PARD3B: variants seen among roughly 807,000 people sequenced by gnomAD.
PARD3B encodes the protein par-3 family cell polarity regulator beta.
PARD3B carries 103 observed loss-of-function variants against 130.2 expected under a neutral mutation model. That is an observed-to-expected ratio of 0.79 (90% confidence interval 0.67 to 0.93). The LOEUF is 0.93. PARD3B is among the 40% of genes least tolerant of loss of function. The pLI is 0.00. For missense variants in PARD3B, 1,609 were observed against 1,499.2 expected, an observed-to-expected ratio of 1.07 and a Z score of -1.21; for synonymous variants, 583 against 553.2, an observed-to-expected ratio of 1.05 and a Z score of -0.76.
chr2:205,107,510 T>C (rs1449774590), intron 5 of PARD3B, among the ~76,000 whole-genome samples: 1 of 152,250 alleles, frequency 6.6e-6, no homozygotes, highest in Non-Finnish European at 1.5e-5. Flanking sequence ...TTAATTGCTA[T>C]TGCCATTATC....
At chr2:205,054,436 A>ATATATATATATATATTTATATATATAT (rs1411271901) in intron 4 of PARD3B, among the ~76,000 whole-genome samples, 1 of 28,438 alleles carries the variant, frequency 3.5e-5, no homozygotes, top group African/African-American at 1.5e-4. Context: ...ATATATATAT[A>ATATATATATATATATTTATATATATAT]TTTTTTTTTT....
At chr2:204,866,282 A>G (rs1197141809) in intron 2 of PARD3B, among the ~76,000 whole-genome samples, 1 of 152,156 alleles carries the variant, frequency 6.6e-6, no homozygotes, top group East Asian at 1.9e-4. Context: ...TAACTCTGGG[A>G]CTTTTTGTTC....
chr2:204,908,033 A>G (rs1239528417), intron 2 of PARD3B, among the ~76,000 whole-genome samples: 1 of 152,092 alleles, frequency 6.6e-6, no homozygotes, highest in East Asian at 1.9e-4. Context: ...CCTTCTAACT[A>G]TTTTTAACAC....
rs1305220015 is a variant in PARD3B, at chr2:205,258,934, T to A, written c.2185+13112T>A. On this transcript the variant is annotated intron_variant, in intron 16 of 22. Coordinates refer to ENST00000406610, the MANE Select transcript of PARD3B (RefSeq NM_001302769.2). This position sits in a 1 kb window ranked among gnomAD's most constrained non-coding sequence, Gnocchi z 4.9. ...TAGGCTGAATTGCTTTTTAATCCCA[T>A]TTTTTTCTGATAGTGATTTGAAAAT... is the stretch of plus-strand genomic sequence containing the variant. 6.6e-6 allele frequency among the ~76,000 whole-genome samples: 1 copy of A among 152,138 alleles called. No homozygotes were observed. Among genetic ancestry groups the A allele is most frequent in the Non-Finnish European group, 1.5e-5 (1 of 68,016 alleles).
chr2:205,209,479 C>A (rs369515304), intron 15 of PARD3B, among the ~76,000 whole-genome samples: 1 of 151,964 alleles, frequency 6.6e-6, no homozygotes, highest in East Asian at 1.9e-4. Context: ...GAACAAAATA[C>A]TTAAGTTCTC....
chr2:205,501,544 C>T (rs1373026120), intron 21 of PARD3B, among the ~76,000 whole-genome samples: 1 of 152,154 alleles, frequency 6.6e-6, no homozygotes, highest in African/African-American at 2.4e-5. Context: ...GCTCAGCTCC[C>T]TCGATAAGCC....
At chr2:205,027,773 A>G (rs550156543) in intron 3 of PARD3B, among the ~76,000 whole-genome samples, 1 of 152,204 alleles carries the variant, frequency 6.6e-6, no homozygotes, top group South Asian at 2.1e-4. Context: ...ATTTCATTAT[A>G]TTGCATGTGT....
In PARD3B at chr2:205,366,809, C is replaced by T. The variant is rs1030956365; in HGVS notation, c.2631-34204C>T. 6.6e-6 allele frequency among the ~76,000 whole-genome samples: 1 copy of T among 152,194 alleles called. No individual in the cohort carries two copies. On this transcript the variant is annotated intron_variant, in intron 18 of 22. Coordinates refer to ENST00000406610, the MANE Select transcript of PARD3B (RefSeq NM_001302769.2). This position sits in a 1 kb window ranked among gnomAD's most constrained non-coding sequence, Gnocchi z 5.0. Reference sequence around the variant, plus strand: ...GGGGCATTTTAGGTGGCCTCCAGGCCATGTGCCTTCCCACTAATAACTGGT... The same window carrying T: ...GGGGCATTTTAGGTGGCCTCCAGGCTATGTGCCTTCCCACTAATAACTGGT...
intron 15 of PARD3B, among the ~76,000 whole-genome samples, chr2:205,194,918 G>C (rs995819629): frequency 1.3e-5 from 2 of 149,712 alleles, no homozygotes; most frequent in African/African-American, 4.9e-5. Context: ...CAAGTAGCTT[G>C]GATTACAGGT....
chr2:205,448,511 C>T (rs569529745), intron 20 of PARD3B, among the ~76,000 whole-genome samples: 103 of 152,128 alleles, frequency 6.8e-4, no homozygotes, highest in African/African-American at 2.4e-3. Flanking sequence ...TCTCTTTATC[C>T]AAGTTGAATA....
rs1299097475 is a variant in PARD3B at position 205,461,777 on chromosome 2, A to G, written c.3044+21105A>G. On this transcript the variant is annotated intron_variant, in intron 20 of 22. Coordinates refer to ENST00000406610, the MANE Select transcript of PARD3B (RefSeq NM_001302769.2). The surrounding 1 kb of genome is among the most constrained non-coding windows in gnomAD (Gnocchi z 4.3). Reference sequence around the variant, plus strand: ...GTGGGACCCTACAATTTGCATTTCTAACAAGCTGCCGAATGATACTCATGC... The same window carrying G: ...GTGGGACCCTACAATTTGCATTTCTGACAAGCTGCCGAATGATACTCATGC... 2.0e-5 allele frequency among the ~76,000 whole-genome samples: 3 copies of G among 152,022 alleles called. No individual in the cohort carries two copies. Among genetic ancestry groups the G allele is most frequent in the Non-Finnish European group, 4.4e-5 (3 of 67,990 alleles).
Position 205,300,661 on chromosome 2 carries a change from C to A in PARD3B, c.2317C>A (p.Arg773=), listed in dbSNP as rs781428613. The change falls in exon 17 of 23, where the codon CGA becomes AGA. Residue 773 remains arginine, a synonymous_variant. Coordinates refer to ENST00000406610, the MANE Select transcript of PARD3B (RefSeq NM_001302769.2). This position sits in a 1 kb window ranked among gnomAD's most constrained non-coding sequence, Gnocchi z 4.1. ...PFHRPRPHMV[R]GRGCNESFRA... Reference sequence around the variant, plus strand: ...TCACAGGCCCCGGCCGCACATGGTTCGAGGCCGAGGCTGCAATGAGAGCTT... The same window carrying A: ...TCACAGGCCCCGGCCGCACATGGTTAGAGGCCGAGGCTGCAATGAGAGCTT... 1 of 1,613,948 alleles carries A rather than the reference C, an allele frequency of 6.2e-7. No homozygotes were observed. The highest frequency in any genetic ancestry group is 8.5e-7 in the Non-Finnish European group (1 of 1,180,016).
At chr2:205,376,260 A>G (rs189884943) in intron 18 of PARD3B, among the ~76,000 whole-genome samples, 40 of 152,314 alleles carry the variant, frequency 2.6e-4, no homozygotes, top group Non-Finnish European at 5.3e-4. Flanking sequence ...CAAAGCAGGC[A>G]GAGTCCACAA....
chr2:205,103,101 T>G (rs1702904772), intron 4 of PARD3B, among the ~76,000 whole-genome samples: 1 of 146,290 alleles, frequency 6.8e-6, no homozygotes, highest in African/African-American at 2.5e-5. Context: ...TTTTTTTATT[T>G]TTATATTTAT....
At chr2:204,729,208 G>A (rs912445808) in intron 2 of PARD3B, among the ~76,000 whole-genome samples, 2 of 152,164 alleles carry the variant, frequency 1.3e-5, no homozygotes, top group Admixed American at 6.5e-5. Flanking sequence ...ACTGCTGTTC[G>A]CCAATCTTCA....
chr2:205,178,139 G>A (rs2035575313), intron 13 of PARD3B, among the ~76,000 whole-genome samples: 1 of 43,578 alleles, frequency 2.3e-5, no homozygotes, highest in Non-Finnish European at 4.0e-5. Flanking sequence ...AATCCCATCT[G>A]TACTAAAAAA....
intron 18 of PARD3B, among the ~76,000 whole-genome samples, chr2:205,334,361 C>T (rs2043237129): frequency 6.6e-6 from 1 of 152,176 alleles, no homozygotes; most frequent in Non-Finnish European, 1.5e-5. Flanking sequence ...GCCATTTGAA[C>T]AACCCATCCC....
At chr2:204,579,302 G>A (rs1298302253) in intron 1 of PARD3B, among the ~76,000 whole-genome samples, 1 of 151,676 alleles carries the variant, frequency 6.6e-6, no homozygotes, top group Non-Finnish European at 1.5e-5. Flanking sequence ...GGAAATCCAG[G>A]GTCTAGTAAG....
intron 2 of PARD3B, among the ~76,000 whole-genome samples, chr2:204,816,699 G>A (rs557984834): frequency 2.0e-5 from 3 of 151,810 alleles, no homozygotes; most frequent in East Asian, 3.9e-4. Flanking sequence ...GATTTTAAAT[G>A]ATTTGATTAT....
Sources: gnomAD v4.1 joint callset for allele counts (sites outside exome capture counted in the v4.1 genomes callset) on GRCh38, gnomAD v4.1.1 for gene constraint, Gnocchi (gnomAD v3.1) non-coding constraint, MANE v1.5 for transcripts, NCBI Gene and HGNC (gene_info 2026-07-23, HGNC 2026-07-21) for gene names.